CNTNAP2: variants seen among roughly 807,000 people sequenced by gnomAD.
The protein encoded by CNTNAP2 is contactin-associated protein-like 2.
Under a neutral mutation model 155.2 loss-of-function variants are expected in CNTNAP2, and 98 were observed. The ratio of observed to expected loss-of-function variants is 0.63; its 90% CI spans 0.54 to 0.75. CNTNAP2 has a LOEUF of 0.75. Among genes scored for constraint, CNTNAP2 ranks in the 30% least tolerant of loss-of-function variants. CNTNAP2 has a pLI of 0.00. For missense variants in CNTNAP2, 1,727 were observed against 1,688.1 expected (o/e 1.02, Z -0.40); for synonymous variants, 651 against 631.2 (o/e 1.03, Z -0.47).
chr7:146,452,843 C>T (rs553399414), intron 1 of CNTNAP2, among the ~76,000 whole-genome samples: 1 of 152,260 alleles, frequency 6.6e-6, no homozygotes, highest in East Asian at 1.9e-4. Context: ...CTGAAGAAAA[C>T]ATCAACTTAG....
intron 14 of CNTNAP2, among the ~76,000 whole-genome samples, chr7:147,924,034 TGCCAGTCTCCTAAGCCA>T (rs1228086548): frequency 6.6e-6 from 1 of 152,202 alleles, no homozygotes; most frequent in Non-Finnish European, 1.5e-5. Context: ...CCTAATGTGG[TGCCAGTCTCCTAAGCCA>T]GTCTGATGAT....
In CNTNAP2 at chr7:146,522,119, G is replaced by A. The variant is rs192723699; in HGVS notation, c.98-252152G>A. The stretch of plus-strand genomic sequence containing the variant: ...AGACTCTCACCATACTTTAAAGATC[G>A]TCATTCTTCCTTAAAAGCAAAAGGC... On this transcript the variant is annotated intron_variant, in intron 1 of 23. Transcript: ENST00000361727. Among the ~76,000 whole-genome samples, 371 of 152,050 alleles carry A rather than the reference G, an allele frequency of 2.4e-3. 2 individuals carry two copies. Among genetic ancestry groups the A allele is most frequent in the Middle Eastern group, 0.017 (5 of 294 alleles).
At chr7:146,390,638 T>C (rs942268090) in intron 1 of CNTNAP2, among the ~76,000 whole-genome samples, 4 of 149,384 alleles carry the variant, frequency 2.7e-5, no homozygotes, top group African/African-American at 7.3e-5. Flanking sequence ...AATAAAAATA[T>C]ATATATTTTT....
At chr7:147,349,292 A>C (rs1795930099) in intron 9 of CNTNAP2, among the ~76,000 whole-genome samples, 1 of 151,966 alleles carries the variant, frequency 6.6e-6, no homozygotes, top group African/African-American at 2.4e-5. Flanking sequence ...TTTTAAAAAA[A>C]TCAGAAATAT....
intron 10 of CNTNAP2, among the ~76,000 whole-genome samples, chr7:147,396,711 C>A (rs1426231295): frequency 6.6e-6 from 1 of 151,920 alleles, no homozygotes; most frequent in African/African-American, 2.4e-5. Flanking sequence ...TGTCTGTAAA[C>A]AAATTATATA....
chr7:147,202,851 TAAA>T (rs11321167), intron 8 of CNTNAP2, among the ~76,000 whole-genome samples: 11 of 148,446 alleles, frequency 7.4e-5, no homozygotes, highest in Non-Finnish European at 1.2e-4. Context: ...AAAGTATAAT[TAAA>T]AAAAAATATA....
intron 1 of CNTNAP2, among the ~76,000 whole-genome samples, chr7:146,687,549 G>T (rs1010242916): frequency 1.3e-5 from 2 of 152,140 alleles, no homozygotes; most frequent in Admixed American, 1.3e-4. Context: ...TTATCTAAAT[G>T]ATGCAAATAG....
chr7:147,395,825 A>C, intron 10 of CNTNAP2, 45 bp downstream of exon 10: 3 of 1,607,206 alleles, frequency 1.9e-6, no homozygotes, highest in Non-Finnish European at 2.6e-6. Context: ...AAACTTTCCA[A>C]ACCTGTGTTT....
At chr7:147,643,108 C>T (rs1342707833) in intron 13 of CNTNAP2, among the ~76,000 whole-genome samples, 1 of 144,830 alleles carries the variant, frequency 6.9e-6, no homozygotes, top group African/African-American at 2.9e-5. Flanking sequence ...TTCTGTGAAT[C>T]ACACATTGAG....
intron 14 of CNTNAP2, among the ~76,000 whole-genome samples, chr7:147,942,740 A>T (rs1038077295): frequency 3.9e-5 from 6 of 152,250 alleles, no homozygotes; most frequent in Non-Finnish European, 8.8e-5. Context: ...TGCTATCAAG[A>T]CCACTGTGTC....
At chr7:147,618,941 C>T (rs1801343916) in intron 12 of CNTNAP2, among the ~76,000 whole-genome samples, 1 of 152,110 alleles carries the variant, frequency 6.6e-6, no homozygotes, top group Non-Finnish European at 1.5e-5. Context: ...CTAATGTGCT[C>T]ATGTCAACAT....
At chr7:146,831,477 A>G (rs1803510739) in intron 2 of CNTNAP2, among the ~76,000 whole-genome samples, 1 of 151,906 alleles carries the variant, frequency 6.6e-6, no homozygotes, top group African/African-American at 2.4e-5. Context: ...AGAGATCGAG[A>G]CCAGCTTAGT....
chr7:146,376,577 C>T (rs1348158190), intron 1 of CNTNAP2, among the ~76,000 whole-genome samples: 1 of 151,916 alleles, frequency 6.6e-6, no homozygotes, highest in Non-Finnish European at 1.5e-5. Context: ...ATTTCATCTG[C>T]ATGTATTGTT....
chr7:148,250,931 T>C (rs963545249), intron 20 of CNTNAP2, among the ~76,000 whole-genome samples: 8 of 152,278 alleles, frequency 5.3e-5, no homozygotes, highest in Middle Eastern at 3.4e-3. Flanking sequence ...CACTGCAATC[T>C]TGAACTCCTA....
At chr7:146,199,755 G>A (rs1250973851) in intron 1 of CNTNAP2, among the ~76,000 whole-genome samples, 1 of 152,166 alleles carries the variant, frequency 6.6e-6, no homozygotes, top group Non-Finnish European at 1.5e-5. Flanking sequence ...AATTGAAGAT[G>A]TGAAAGGTGA....
At chr7:146,778,000 C>T (rs1473232442) in intron 2 of CNTNAP2, among the ~76,000 whole-genome samples, 1 of 151,670 alleles carries the variant, frequency 6.6e-6, no homozygotes, top group African/African-American at 2.4e-5. Flanking sequence ...TTATAGAATC[C>T]AGGAATGTTG....
intron 21 of CNTNAP2, among the ~76,000 whole-genome samples, chr7:148,354,178 A>ATTTT (rs57278575): frequency 4.0e-5 from 4 of 99,292 alleles, no homozygotes; most frequent in African/African-American, 7.9e-5. Context: ...GAAACGATTA[A>ATTTT]TTTTTTTTTT....
At chr7:147,007,235 G>C (rs958472066) in intron 3 of CNTNAP2, among the ~76,000 whole-genome samples, 1 of 152,122 alleles carries the variant, frequency 6.6e-6, no homozygotes, top group African/African-American at 2.4e-5. Flanking sequence ...GCTAGGGCCA[G>C]GTAAGTCTCA....
At chr7:148,052,411 G>A (rs1274555890) in intron 15 of CNTNAP2, among the ~76,000 whole-genome samples, 3 of 149,862 alleles carry the variant, frequency 2.0e-5, no homozygotes, top group African/African-American at 4.9e-5. Context: ...TGTAAAAAGT[G>A]TTTCCAATCA....
Sources: allele counts gnomAD v4.1 joint callset (sites outside exome capture counted in the v4.1 genomes callset), GRCh38; gene constraint gnomAD v4.1.1; transcripts MANE v1.5; gene names NCBI Gene and HGNC (gene_info 2026-07-23, HGNC 2026-07-21).